The following SOX6 variants were observed in gnomAD, a reference collection of about 807,000 sequenced individuals.
SOX6 encodes transcription factor SOX-6.
Under a neutral mutation model 97.8 loss-of-function variants are expected in SOX6, and 11 were observed. The observed-to-expected ratio is 0.11, with a 90% CI of 0.07 to 0.19. The LOEUF is 0.19. Ranked by LOEUF, SOX6 falls within the 10% of genes least tolerant of loss-of-function variation. The pLI, the probability that SOX6 is intolerant of heterozygous loss-of-function variation, is 1.00. For missense variants in SOX6, 810 were observed against 1,039.5 expected (o/e 0.78, Z 3.04); for synonymous variants, 360 against 371.4 (o/e 0.97, Z 0.35).
At chr11:16,679,823 C>T (rs1265936499) in intron 3 of SOX6, among the ~76,000 whole-genome samples, 3 of 152,008 alleles carry the variant, frequency 2.0e-5, no homozygotes, top group Admixed American at 6.5e-5. Context: ...GCACAAGCTT[C>T]GATAGCCAAT....
intron 3 of SOX6, among the ~76,000 whole-genome samples, chr11:16,692,811 G>T (rs935661082): frequency 6.6e-6 from 1 of 152,062 alleles, no homozygotes; most frequent in Non-Finnish European, 1.5e-5. Flanking sequence ...ATAGAATATA[G>T]TGAGCATTTT....
In SOX6 at chr11:16,318,426, A is replaced by G. The variant is rs773476149; in HGVS notation, c.445+20T>C. 14 of 1,611,622 alleles carry G rather than the reference A, an allele frequency of 8.7e-6. No homozygotes were observed. The African/African-American group carries it at 1.3e-4, about 15-fold the overall frequency. The stretch of plus-strand genomic sequence containing the variant: ...TTTAGAAGAAAAAAAACAGAGCCCA[A>G]CAGTGAAGTCCACACATACCCTCTT... On this transcript the variant is annotated intron_variant, in intron 3 of 15. Transcript: ENST00000683767.
At chr11:16,106,750 C>T (rs908550555) in intron 7 of SOX6, among the ~76,000 whole-genome samples, 12 of 151,974 alleles carry the variant, frequency 7.9e-5, no homozygotes, top group African/African-American at 2.4e-4. Context: ...AATTGGACTC[C>T]ATCAAAATTA....
intron 2 of SOX6, among the ~76,000 whole-genome samples, chr11:16,731,658 C>T (rs956621071): frequency 8.5e-5 from 13 of 152,056 alleles, no homozygotes; most frequent in African/African-American, 3.1e-4. Flanking sequence ...GGGCAAAAAC[C>T]GGAAGCATTT....
intron 4 of SOX6, among the ~76,000 whole-genome samples, chr11:16,534,871 A>T (rs764126583): frequency 9.2e-5 from 14 of 152,184 alleles, no homozygotes; most frequent in Non-Finnish European, 1.9e-4. Context: ...TTTTCTACAA[A>T]GTTCCTATCA....
At chr11:16,243,982 A>C (rs1853266390) in intron 3 of SOX6, among the ~76,000 whole-genome samples, 2 of 152,112 alleles carry the variant, frequency 1.3e-5, no homozygotes, top group South Asian at 4.1e-4. Context: ...CTAATATACA[A>C]ATTCATTCAC....
At chr11:16,141,804 G>A (rs968915371) in intron 6 of SOX6, among the ~76,000 whole-genome samples, 9 of 152,172 alleles carry the variant, frequency 5.9e-5, no homozygotes, top group Non-Finnish European at 8.8e-5. Flanking sequence ...TGAGGCTGGG[G>A]GAGGGGTGCC....
chr11:16,428,077 C>T (rs1398525772), intron 1 of SOX6, among the ~76,000 whole-genome samples: 1 of 152,174 alleles, frequency 6.6e-6, no homozygotes, highest in Non-Finnish European at 1.5e-5. Flanking sequence ...TCTCTGACGG[C>T]CAGTGATGAT....
At chr11:16,406,601 T>A (rs553098558) in intron 1 of SOX6, among the ~76,000 whole-genome samples, 1 of 152,222 alleles carries the variant, frequency 6.6e-6, no homozygotes, top group South Asian at 2.1e-4. Context: ...CTGTGTCACA[T>A]AAGCTAACAT....
rs2134341240 is a variant in SOX6, at chr11:16,341,232, G to A, written c.17C>T (p.Ala6Val). ...AGCTGCACAGGCAAATGGAGAGGTG[G>A]CTTGCTTGGAAGACATTCTTCTGCA... MSSKQ[A>V]TSPFACAADG... Residue 6 changes from alanine (A) to valine (V), a missense_variant, in exon 2 of 16, where the codon GCC becomes GTC. Physicochemically the swap from Ala to Val is moderately conservative, Grantham distance 64 (BLOSUM62 0). Around this residue, in one of 9 missense-constraint regions of SOX6, gnomAD observed 100 missense variants for 94.6 expected, o/e 1.06. Transcript: ENST00000683767. 6.2e-7 allele frequency: 1 copy of A among 1,613,254 alleles called. No individual in the cohort carries two copies. Among genetic ancestry groups the A allele is most frequent in the Non-Finnish European group, 8.5e-7 (1 of 1,179,516 alleles).
intron 3 of SOX6, among the ~76,000 whole-genome samples, chr11:16,640,388 C>G (rs1192584179): frequency 3.3e-5 from 5 of 152,318 alleles, no homozygotes; most frequent in African/African-American, 1.2e-4. Flanking sequence ...TGTTGTGTCT[C>G]TGCCAGGCTT....
At chr11:16,488,272 C>T (rs565871687) in intron 4 of SOX6, among the ~76,000 whole-genome samples, 12 of 151,988 alleles carry the variant, frequency 7.9e-5, no homozygotes, top group East Asian at 7.7e-4. Flanking sequence ...AGTTCACAGC[C>T]TAGTAAAGAA....
At chr11:16,126,933 A>G (rs2134014236) in intron 6 of SOX6, among the ~76,000 whole-genome samples, 1 of 152,210 alleles carries the variant, frequency 6.6e-6, no homozygotes, top group African/African-American at 2.4e-5. Flanking sequence ...CAGGCATAAA[A>G]TCACCTAATC....
intron 1 of SOX6, among the ~76,000 whole-genome samples, chr11:16,451,624 A>T (rs1307903481): frequency 6.6e-6 from 1 of 152,174 alleles, no homozygotes; most frequent in Non-Finnish European, 1.5e-5. Context: ...TAAGAGCCCT[A>T]CTAACCATCC....
intron 3 of SOX6, among the ~76,000 whole-genome samples, chr11:16,301,643 G>C (rs1009528202): frequency 1.3e-4 from 20 of 152,172 alleles, no homozygotes; most frequent in African/African-American, 4.8e-4. Flanking sequence ...GACTCATGTT[G>C]GGGCTAAAGG....
chr11:16,605,216 G>A lies in SOX6; in HGVS notation n.609+6865C>T, dbSNP rs983005774. 6.6e-6 allele frequency among the ~76,000 whole-genome samples: 1 copy of A among 152,020 alleles called. No individual in the cohort carries two copies. The highest frequency in any genetic ancestry group is 2.4e-5 in the African/African-American group (1 of 41,424). ...CAGGGCGCCGAGAAGGACGGAGGGC[G>A]CCGGCTGGGCTCAGGGACGCGGGGC... On this transcript the variant is annotated intron_variant and non_coding_transcript_variant, in intron 4 of 5. Transcript: ENST00000524520. This position sits in a 1 kb window ranked among gnomAD's most constrained non-coding sequence, Gnocchi z 5.3.
chr11:16,459,393 A>T (rs971161801), intron 1 of SOX6, among the ~76,000 whole-genome samples: 1 of 152,098 alleles, frequency 6.6e-6, no homozygotes, highest in African/African-American at 2.4e-5. Context: ...TGAGCACTTA[A>T]AATCGTGAAA....
chr11:16,379,985 A>G (rs186879694), intron 1 of SOX6, among the ~76,000 whole-genome samples: 1 of 151,954 alleles, frequency 6.6e-6, no homozygotes, highest in African/African-American at 2.4e-5. Context: ...ATAATATAAT[A>G]TAAATATTTG....
rs186175275 is a variant in SOX6, at chr11:16,677,513, C to T, written n.429+37317G>A. The stretch of plus-strand genomic sequence containing the variant: ...CTCCACCATTTTTGTTTATGTTACT[C>T]AGCATTAACTGATTATATAAAGTTA... On this transcript the variant is annotated intron_variant and non_coding_transcript_variant, in intron 3 of 5. Transcript: ENST00000524520. 1.6e-4 allele frequency among the ~76,000 whole-genome samples: 24 copies of T among 152,306 alleles called. 1 individual carries two copies. Among genetic ancestry groups the T allele is most frequent in the Admixed American group, 1.3e-3 (20 of 15,300 alleles).
Sources: allele counts gnomAD v4.1 joint callset (sites outside exome capture counted in the v4.1 genomes callset), GRCh38; gene constraint gnomAD v4.1.1; regional missense constraint gnomAD v4.1.1; non-coding constraint Gnocchi (gnomAD v3.1); transcripts MANE v1.5; gene names NCBI Gene and HGNC (gene_info 2026-07-23, HGNC 2026-07-21).